ZBTB38: variants seen among roughly 807,000 people sequenced by gnomAD.
The protein encoded by ZBTB38 is zinc finger and BTB domain containing 38.
A neutral mutation model predicts 76.8 loss-of-function variants in ZBTB38; 20 were observed. That is an observed-to-expected ratio of 0.26 (90% CI 0.18 to 0.38). The LOEUF (loss-of-function observed/expected upper bound fraction) is 0.38, where lower values mean the gene tolerates loss of function less well. ZBTB38 is among the 10% of genes least tolerant of loss of function. The pLI, the probability that ZBTB38 is intolerant of heterozygous loss-of-function variation, is 1.00. For synonymous variants in ZBTB38, 504 were observed against 544.2 expected (o/e 0.93, Z 1.03); for missense variants, 1,082 against 1,482.3 (o/e 0.73, Z 4.43).
chr3:141,406,744 A>G (rs1418441374), intron 5 of ZBTB38, among the ~76,000 whole-genome samples: 1 of 152,178 alleles, frequency 6.6e-6, no homozygotes, highest in African/African-American at 2.4e-5. Context: ...GCAAGATAGT[A>G]AGGAAGAACC....
chr3:141,375,071 T>C (rs2149080317), intron 2 of ZBTB38, among the ~76,000 whole-genome samples: 1 of 152,226 alleles, frequency 6.6e-6, no homozygotes, highest in East Asian at 1.9e-4. Context: ...AAATATTCAG[T>C]TGGCAAACAT....
intron 1 of ZBTB38, among the ~76,000 whole-genome samples, chr3:141,331,286 C>A (rs1339515768): frequency 6.6e-6 from 1 of 152,222 alleles, no homozygotes; most frequent in Non-Finnish European, 1.5e-5. Flanking sequence ...TGGGCAAAGT[C>A]CTTGGTTATG....
chr3:141,436,201 C>T (rs1057259754), intron 5 of ZBTB38, among the ~76,000 whole-genome samples: 4 of 152,126 alleles, frequency 2.6e-5, no homozygotes, highest in Non-Finnish European at 4.4e-5. Context: ...ATGACTGTCC[C>T]CCTCCCACAT....
intron 1 of ZBTB38, among the ~76,000 whole-genome samples, chr3:141,343,603 G>A (rs987455050): frequency 2.0e-5 from 3 of 152,080 alleles, no homozygotes; most frequent in Admixed American, 2.0e-4. Flanking sequence ...ACCAGCAGAG[G>A]TACAGATCAA....
chr3:141,377,725 G>T (rs1019621822), intron 2 of ZBTB38, among the ~76,000 whole-genome samples: 7 of 152,150 alleles, frequency 4.6e-5, no homozygotes, highest in African/African-American at 1.2e-4. Context: ...GCAAGTTAGT[G>T]GGTAACACAC....
intron 4 of ZBTB38, among the ~76,000 whole-genome samples, chr3:141,390,667 C>A (rs996248438): frequency 1.3e-5 from 2 of 152,166 alleles, no homozygotes; most frequent in Non-Finnish European, 2.9e-5. Context: ...GTGGTTCATT[C>A]TAACAGCTCC....
rs1166720416 is a variant in ZBTB38 at position 141,445,368 on chromosome 3, G to A, written c.2980G>A (p.Gly994Arg). 1 of 1,614,106 alleles carries A rather than the reference G, an allele frequency of 6.2e-7. No individual in the cohort carries two copies. Among genetic ancestry groups the A allele is most frequent in the Admixed American group, 1.7e-5 (1 of 60,016 alleles). The change falls in exon 6 of 6, where the codon GGG (glycine) becomes AGG (arginine). Residue 994 changes from glycine to arginine, a missense_variant. Physicochemically the swap from Gly to Arg is moderately radical, Grantham distance 125. This residue lies in a region of ZBTB38 where 471 missense variants were observed against 581.0 expected (regional missense o/e 0.81). Transcript: ENST00000321464. The surrounding 1 kb of genome is among the most constrained non-coding windows in gnomAD (Gnocchi z 6.5). ...ACTCTGTGATGGAGACAAAGCAGTG[G>A]GGGCTGGAAACCAAGGAAGGCCCCA... The part of the protein sequence containing the change: ...CELCDGDKAV[G>R]AGNQGRPHRH...
intron 1 of ZBTB38, among the ~76,000 whole-genome samples, chr3:141,350,387 TC>T (rs1943483041): frequency 6.6e-6 from 1 of 152,248 alleles, no homozygotes; most frequent in African/African-American, 2.4e-5. Flanking sequence ...TTGGTTTTTT[TC>T]ACTGGAGTTT....
chr3:141,436,901 G>C (rs146882348), intron 5 of ZBTB38, among the ~76,000 whole-genome samples: 3 of 152,314 alleles, frequency 2.0e-5, no homozygotes, highest in East Asian at 3.9e-4. Flanking sequence ...TGTGGGGACC[G>C]GATTTGCTGC....
chr3:141,355,940 A>C (rs1188630031), intron 1 of ZBTB38, among the ~76,000 whole-genome samples: 1 of 152,096 alleles, frequency 6.6e-6, no homozygotes, highest in East Asian at 1.9e-4. Context: ...CAAGACACAA[A>C]ATTCAAAGCT....
chr3:141,346,356 T>C (rs556334404), intron 1 of ZBTB38, among the ~76,000 whole-genome samples: 1 of 152,344 alleles, frequency 6.6e-6, no homozygotes, highest in South Asian at 2.1e-4. Flanking sequence ...GAGGAAGGGC[T>C]TAGCAGCATT....
intron 5 of ZBTB38, chr3:141,426,206 A>C: frequency 1.6e-6 from 2 of 1,289,214 alleles, no homozygotes; most frequent in Non-Finnish European, 2.0e-6. Context: ...GTCACAGGCC[A>C]GGTCGTGCGG....
chr3:141,434,099 A>C, intron 5 of ZBTB38: 4 of 568,094 alleles, frequency 7.0e-6, no homozygotes, highest in Non-Finnish European at 8.9e-6. Context: ...CCCTGTACTC[A>C]AGGAGCTCAT....
chr3:141,342,392 C>CAAAAAAAAAAAA (rs58284476), intron 1 of ZBTB38, among the ~76,000 whole-genome samples: 1 of 97,636 alleles, frequency 1.0e-5, no homozygotes, highest in African/African-American at 3.6e-5. Flanking sequence ...GACTCTGTCT[C>CAAAAAAAAAAAA]AAAAAAAAAA....
intron 5 of ZBTB38, among the ~76,000 whole-genome samples, chr3:141,406,344 A>G (rs1344674): frequency 0.54 from 81,333 of 151,984 alleles, 24,307 homozygotes; most frequent in African/African-American, 0.82. Flanking sequence ...AGAGGGGCAG[A>G]AAAGGCCTGA....
intron 4 of ZBTB38, among the ~76,000 whole-genome samples, chr3:141,403,538 A>T (rs886648897): frequency 6.6e-6 from 1 of 152,202 alleles, no homozygotes; most frequent in Non-Finnish European, 1.5e-5. Context: ...GTTTTATGAG[A>T]CTTTTGGTTT....
At chr3:141,343,669 C>G (rs147423934) in intron 1 of ZBTB38, among the ~76,000 whole-genome samples, 28 of 152,112 alleles carry the variant, frequency 1.8e-4, no homozygotes, top group Admixed American at 5.9e-4. Flanking sequence ...AAGCTGGGAC[C>G]GACACAGAAA....
At position 141,445,816 on chromosome 3, in the gene ZBTB38, AC is replaced by A; in HGVS notation, c.3430del (p.Gln1144LysfsTer15). 6.2e-7 allele frequency: 1 copy of A among 1,614,210 alleles called. No individual in the cohort carries two copies. Among genetic ancestry groups the A allele is most frequent in the Non-Finnish European group, 8.5e-7 (1 of 1,180,040 alleles). On this transcript the variant is annotated frameshift_variant, in exon 6 of 6. Coordinates refer to ENST00000321464, the MANE Select transcript of ZBTB38 (RefSeq NM_001376113.1). LOFTEE classifies it high-confidence loss of function. This position sits in a 1 kb window ranked among gnomAD's most constrained non-coding sequence, Gnocchi z 6.5. The stretch of plus-strand genomic sequence containing the variant: ...AAAACAGCTGCTGCCCTTGGAATGC[AC>A]CAAAAGAAACACTTATTCAAAAGCC... ...ICKTAAALGM[H>X]QKKHLFKSPS...
chr3:141,331,312 T>C (rs933831050), intron 1 of ZBTB38, among the ~76,000 whole-genome samples: 22 of 152,196 alleles, frequency 1.4e-4, no homozygotes, highest in Admixed American at 1.4e-3. Context: ...ACCTGGAGAA[T>C]CTATTTCACT....
Sources: allele counts gnomAD v4.1 joint callset (sites outside exome capture counted in the v4.1 genomes callset), GRCh38; gene constraint gnomAD v4.1.1; regional missense constraint gnomAD v4.1.1; non-coding constraint Gnocchi (gnomAD v3.1); transcripts MANE v1.5; gene names NCBI Gene and HGNC (gene_info 2026-07-23, HGNC 2026-07-21).